PHACTR1: variants seen among roughly 807,000 people sequenced by gnomAD.
PHACTR1 encodes the protein RPEL repeat containing 1.
In PHACTR1, 16 loss-of-function variants were observed where a neutral mutation model predicts 69.2. That is an observed-to-expected ratio of 0.23 (90% CI 0.16 to 0.35). The LOEUF (loss-of-function observed/expected upper bound fraction) is 0.35. Among genes scored for constraint, PHACTR1 ranks in the 10% least tolerant of loss-of-function variants. PHACTR1 has a pLI of 1.00. For synonymous variants in PHACTR1, 312 were observed against 284.5 expected (o/e 1.10, Z -0.97); for missense variants, 510 against 734.7 (o/e 0.69, Z 3.54).
At chr6:13,175,485 C>T (rs1364891940) in intron 6 of PHACTR1, among the ~76,000 whole-genome samples, 1 of 152,142 alleles carries the variant, frequency 6.6e-6, no homozygotes, top group Non-Finnish European at 1.5e-5. Context: ...TGCTCTGAGT[C>T]AGGGCTTCTT....
At chr6:12,883,364 G>C (rs1471749792) in intron 4 of PHACTR1, among the ~76,000 whole-genome samples, 1 of 152,008 alleles carries the variant, frequency 6.6e-6, no homozygotes, top group African/African-American at 2.4e-5. Context: ...ATAGGTGCCC[G>C]CCACCACGCC....
At chr6:12,868,161 G>A (rs967226791) in intron 4 of PHACTR1, among the ~76,000 whole-genome samples, 4 of 151,744 alleles carry the variant, frequency 2.6e-5, no homozygotes, top group African/African-American at 9.7e-5. Context: ...GGAGGCTGAA[G>A]CAGGAGAATC....
Position 13,206,214 on chromosome 6 carries a change from C to G in PHACTR1, c.986+78C>G. 1.5e-6 allele frequency: 2 copies of G among 1,366,512 alleles called. 1 individual carries two copies. The highest frequency in any genetic ancestry group is 2.9e-5 in the South Asian group (2 of 67,830). The allele number at this position is 1,366,512 out of a possible 1,614,324, so 84.6% of individuals were successfully genotyped here. ...GGGGGCCTAGGGATTTGGACCATGA[C>G]TTAGGAATGTGAACAAGGGGTCATC... is the stretch of plus-strand genomic sequence containing the variant. On this transcript the variant is annotated intron_variant, in intron 8 of 14. Transcript: ENST00000332995.
chr6:12,756,308 A>T (rs1241660410), intron 4 of PHACTR1, among the ~76,000 whole-genome samples: 1 of 152,152 alleles, frequency 6.6e-6, no homozygotes, highest in Non-Finnish European at 1.5e-5. Flanking sequence ...CATTTTCTTC[A>T]TTGTATGGTA....
At chr6:13,137,663 G>A (rs929736106) in intron 5 of PHACTR1, among the ~76,000 whole-genome samples, 1 of 152,238 alleles carries the variant, frequency 6.6e-6, no homozygotes, top group Non-Finnish European at 1.5e-5. Flanking sequence ...CTGCACAGGT[G>A]ACCCATGCAT....
intron 4 of PHACTR1, among the ~76,000 whole-genome samples, chr6:12,764,910 CAGA>C (rs1267581363): frequency 1.3e-4 from 20 of 151,828 alleles, no homozygotes; most frequent in African/African-American, 4.6e-4. Flanking sequence ...ATTGCAGTAG[CAGA>C]AGAAGAAAAG....
chr6:13,133,264 C>G (rs1820822091), intron 5 of PHACTR1, among the ~76,000 whole-genome samples: 1 of 123,916 alleles, frequency 8.1e-6, no homozygotes, highest in Non-Finnish European at 1.7e-5. Flanking sequence ...CCTCTCCCCA[C>G]AGTCTCCCTC....
chr6:12,735,277 A>G (rs1391369389), intron 3 of PHACTR1, among the ~76,000 whole-genome samples: 1 of 152,218 alleles, frequency 6.6e-6, no homozygotes, highest in Admixed American at 6.5e-5. Flanking sequence ...AGAGGAAGCA[A>G]GGCAGAAGCC....
chr6:12,784,548 C>CAT (rs1187748192), intron 4 of PHACTR1, among the ~76,000 whole-genome samples: 4 of 151,260 alleles, frequency 2.6e-5, no homozygotes, highest in South Asian at 2.1e-4. Flanking sequence ...CATATACACA[C>CAT]ATATATATCT....
chr6:13,099,249 C>G (rs1814756604), intron 5 of PHACTR1, among the ~76,000 whole-genome samples: 1 of 152,210 alleles, frequency 6.6e-6, no homozygotes, highest in South Asian at 2.1e-4. Context: ...TTTAGTTTCC[C>G]TCGAACTTTT....
At chr6:12,821,338 C>G (rs1776174394) in intron 4 of PHACTR1, among the ~76,000 whole-genome samples, 1 of 151,950 alleles carries the variant, frequency 6.6e-6, no homozygotes, top group Non-Finnish European at 1.5e-5. Flanking sequence ...TAGCACACAT[C>G]TGTAATTCTA....
intron 6 of PHACTR1, among the ~76,000 whole-genome samples, chr6:13,167,680 G>A (rs895601473): frequency 8.2e-4 from 125 of 152,198 alleles, no homozygotes; most frequent in African/African-American, 2.8e-3. Context: ...GCTTTCCATT[G>A]TGTGCTGGAA....
intron 4 of PHACTR1, among the ~76,000 whole-genome samples, chr6:12,948,705 G>C (rs954569944): frequency 2.0e-5 from 3 of 152,130 alleles, no homozygotes; most frequent in African/African-American, 7.2e-5. Flanking sequence ...TCTAGGAAGA[G>C]GTAATTGAGG....
At chr6:12,801,481 AG>A (rs781730566) in intron 4 of PHACTR1, among the ~76,000 whole-genome samples, 1 of 152,242 alleles carries the variant, frequency 6.6e-6, no homozygotes, top group Non-Finnish European at 1.5e-5. Context: ...AGTGATTATA[AG>A]GGTTCACACA....
chr6:13,252,598 T>C (rs1346906253), intron 10 of PHACTR1, among the ~76,000 whole-genome samples: 1 of 151,048 alleles, frequency 6.6e-6, no homozygotes, highest in East Asian at 1.9e-4. Flanking sequence ...TCTTAAAATC[T>C]GCCATGCTGC....
At chr6:13,142,918 G>C (rs1180901965) in intron 5 of PHACTR1, among the ~76,000 whole-genome samples, 5 of 151,982 alleles carry the variant, frequency 3.3e-5, no homozygotes, top group Non-Finnish European at 4.4e-5. Context: ...AAAACTTTAG[G>C]CCCAGCTTCC....
intron 5 of PHACTR1, among the ~76,000 whole-genome samples, chr6:13,056,848 G>A (rs1052151744): frequency 2.6e-4 from 39 of 152,238 alleles, no homozygotes; most frequent in African/African-American, 8.9e-4. Flanking sequence ...GGTGGGGACT[G>A]AGGAACCTAA....
intron 4 of PHACTR1, among the ~76,000 whole-genome samples, chr6:12,794,147 T>C (rs1268177083): frequency 6.6e-6 from 1 of 152,200 alleles, no homozygotes; most frequent in Non-Finnish European, 1.5e-5. Context: ...ACATAATCCA[T>C]TGTAAAATTG....
At chr6:12,945,940 G>C (rs1443236413) in intron 4 of PHACTR1, among the ~76,000 whole-genome samples, 3 of 150,936 alleles carry the variant, frequency 2.0e-5, no homozygotes, top group African/African-American at 7.4e-5. Flanking sequence ...TCCAGCCTGG[G>C]TAACAGAGCA....
Sources: allele counts gnomAD v4.1 joint callset (sites outside exome capture counted in the v4.1 genomes callset), GRCh38; gene constraint gnomAD v4.1.1; transcripts MANE v1.5; gene names NCBI Gene and HGNC (gene_info 2026-07-23, HGNC 2026-07-21).